Variants in CEP89 observed in about 807,000 individuals in gnomAD.
The protein encoded by CEP89 is centrosomal protein of 89 kDa.
A neutral mutation model predicts 97.6 loss-of-function variants in CEP89; 95 were observed. That is an observed-to-expected ratio of 0.97 (90% CI 0.82 to 1.15). CEP89 has a LOEUF of 1.15. CEP89 is among the 50% of genes most tolerant of loss of function. The probability of loss-of-function intolerance (pLI) is 0.00; values close to 1 mark genes in which losing one functional copy is unlikely to be tolerated. For missense variants in CEP89, 869 were observed against 947.7 expected (o/e 0.92, Z 1.09); for synonymous variants, 354 against 349.1 (o/e 1.01, Z -0.16).
At chr19:32,894,826 T>C (rs986861409) in intron 16 of CEP89, among the ~76,000 whole-genome samples, 1 of 152,240 alleles carries the variant, frequency 6.6e-6, no homozygotes, top group Non-Finnish European at 1.5e-5. Flanking sequence ...TGCTATGCAA[T>C]AGACTTCTTC....
chr19:32,937,401 A>G, intron 7 of CEP89: 1 of 477,630 alleles, frequency 2.1e-6, no homozygotes, highest in Non-Finnish European at 3.7e-6. Context: ...AGCATATCCC[A>G]CAGGTCCACG....
intron 17 of CEP89, among the ~76,000 whole-genome samples, chr19:32,886,790 A>C (rs1969405368): frequency 6.6e-6 from 1 of 152,166 alleles, no homozygotes; most frequent in Non-Finnish European, 1.5e-5. Flanking sequence ...GGGGATTTTA[A>C]ATTACTCAAT....
intron 18 of CEP89, among the ~76,000 whole-genome samples, chr19:32,879,744 A>G (rs2145863391): frequency 6.6e-6 from 1 of 152,334 alleles, no homozygotes; most frequent in Middle Eastern, 3.4e-3. Flanking sequence ...GAACTGCAGG[A>G]ACTGCAGGGC....
At chr19:32,893,007 C>T (rs1423844805) in intron 16 of CEP89, among the ~76,000 whole-genome samples, 2 of 151,732 alleles carry the variant, frequency 1.3e-5, no homozygotes, top group African/African-American at 4.8e-5. Flanking sequence ...AAACAATCAA[C>T]AAAATGATAG....
rs554030870 is a variant in CEP89 at position 32,931,669 on chromosome 19, C to T, written c.887-98G>A. ...TCGTTTGCTTTTCTCCCCTCTTTCA[C>T]GCTCAGAGGCAATGAACTGTGTGTG... On this transcript the variant is annotated intron_variant, in intron 8 of 18. Coordinates refer to ENST00000305768, the MANE Select transcript of CEP89 (RefSeq NM_032816.5). The T allele has an allele frequency of 4.9e-5, 46 of 931,280 alleles. No homozygotes were observed. In the Middle Eastern group the frequency reaches 1.6e-3, roughly 32 times the overall value. The allele number at this position is 931,280 out of a possible 1,614,324, so 57.7% of individuals were successfully genotyped here.
intron 16 of CEP89, among the ~76,000 whole-genome samples, chr19:32,890,527 A>G (rs1032168817): frequency 1.3e-5 from 2 of 152,162 alleles, no homozygotes; most frequent in African/African-American, 4.8e-5. Context: ...CATCGCACGG[A>G]GAACATCTAA....
chr19:32,892,661 T>C (rs1163362657), intron 16 of CEP89, among the ~76,000 whole-genome samples: 1 of 140,892 alleles, frequency 7.1e-6, no homozygotes, highest in Non-Finnish European at 1.5e-5. Flanking sequence ...AGACGATATA[T>C]TCAAAGGGCT....
intron 10 of CEP89, 84 bp from the exon 11 acceptor site, chr19:32,926,357 C>G: frequency 1.0e-6 from 1 of 971,684 alleles, no homozygotes; most frequent in Non-Finnish European, 1.6e-6. Flanking sequence ...AGAAGTTATA[C>G]TTTTTTGAAA....
chr19:32,927,670 T>A (rs1210576582), intron 9 of CEP89, among the ~76,000 whole-genome samples: 1 of 152,052 alleles, frequency 6.6e-6, no homozygotes, highest in African/African-American at 2.4e-5. Context: ...AGTGGTGAGA[T>A]CATGGCTCAC....
At chr19:32,907,458 T>G (rs1265677660) in intron 14 of CEP89, among the ~76,000 whole-genome samples, 1 of 149,546 alleles carries the variant, frequency 6.7e-6, no homozygotes, top group Non-Finnish European at 1.5e-5. Flanking sequence ...TTTCTCTATT[T>G]TTTTTTTTTT....
At position 32,966,896 on chromosome 19, in the gene CEP89, G is replaced by A. The variant is rs532526374; in HGVS notation, c.40-430C>T. 2.0e-5 allele frequency among the ~76,000 whole-genome samples: 3 copies of A among 152,274 alleles called. No individual in the cohort carries two copies. The South Asian group carries it at 6.2e-4, about 32-fold the overall frequency. On this transcript the variant is annotated intron_variant, in intron 1 of 18. Coordinates refer to ENST00000305768, the MANE Select transcript of CEP89 (RefSeq NM_032816.5). ...GTCTTGCTCTGTTGCCCAGAGTGGA[G>A]TGCAGTGGTACGATCATAGCTCACC...
chr19:32,884,006 A>G (rs1426352925), intron 17 of CEP89, among the ~76,000 whole-genome samples: 1 of 152,094 alleles, frequency 6.6e-6, no homozygotes, highest in Non-Finnish European at 1.5e-5. Flanking sequence ...GGATCTCACT[A>G]TGTTGCCCAG....
At chr19:32,922,543 TA>T (rs1242982187) in intron 12 of CEP89, among the ~76,000 whole-genome samples, 2 of 147,778 alleles carry the variant, frequency 1.4e-5, no homozygotes, top group Non-Finnish European at 3.0e-5. Context: ...ACCCTAACTC[TA>T]AAAAAACATA....
intron 3 of CEP89, among the ~76,000 whole-genome samples, chr19:32,956,593 C>T (rs184434711): frequency 6.6e-6 from 1 of 152,038 alleles, no homozygotes; most frequent in Admixed American, 6.6e-5. Context: ...TCTCAAACTC[C>T]TGATCTCAAG....
chr19:32,888,715 A>G (rs1446224441), intron 16 of CEP89, among the ~76,000 whole-genome samples: 1 of 152,006 alleles, frequency 6.6e-6, no homozygotes, highest in Non-Finnish European at 1.5e-5. Flanking sequence ...ACCTAAGACT[A>G]TTGTGTCTCC....
chr19:32,913,525 A>G (rs547493391), intron 14 of CEP89, among the ~76,000 whole-genome samples: 7 of 152,020 alleles, frequency 4.6e-5, no homozygotes, highest in Admixed American at 2.6e-4. Flanking sequence ...TGATCAACTC[A>G]TTTCACTTTG....
At chr19:32,907,191 C>T (rs191423333) in intron 14 of CEP89, among the ~76,000 whole-genome samples, 10 of 152,244 alleles carry the variant, frequency 6.6e-5, no homozygotes, top group African/African-American at 7.2e-5. Flanking sequence ...AAGACCCCAT[C>T]GCTGCAGAAA....
At chr19:32,941,803 T>A (rs6510306) in intron 5 of CEP89, among the ~76,000 whole-genome samples, 1 of 151,956 alleles carries the variant, frequency 6.6e-6, no homozygotes, top group Non-Finnish European at 1.5e-5. Flanking sequence ...GCAATCTGCA[T>A]CTCCTCCTCT....
Position 32,879,207 on chromosome 19 carries a change from G to C in CEP89, c.2307C>G (p.Cys769Trp), listed in dbSNP as rs201835752. 9.3e-6 allele frequency: 15 copies of C among 1,614,020 alleles called. No individual in the cohort carries two copies. Among genetic ancestry groups the C allele is most frequent in the Middle Eastern group, 1.7e-4 (1 of 6,060 alleles). Residue 769 changes from cysteine (C) to tryptophan (W), a missense_variant, in exon 19 of 19, where the codon TGC becomes TGG. Physicochemically the swap from Cys to Trp is radical, Grantham distance 215 (BLOSUM62 -2). Transcript: ENST00000305768. Reference sequence around the variant, plus strand: ...ACTTCAGGTCATAGGAGCAGACATCGCAGCCGTCCAGCAGGTCTGCCTGAG... The same window carrying C: ...ACTTCAGGTCATAGGAGCAGACATCCCAGCCGTCCAGCAGGTCTGCCTGAG... The part of the protein sequence containing the change: ...GVSQADLLDG[C>W]DVCSYDLKSH...
Sources: gnomAD v4.1 joint callset for allele counts (sites outside exome capture counted in the v4.1 genomes callset) on GRCh38, gnomAD v4.1.1 for gene constraint, MANE v1.5 for transcripts, NCBI Gene and HGNC (gene_info 2026-07-23, HGNC 2026-07-21) for gene names.